NBEA: variants seen among roughly 807,000 people sequenced by gnomAD.
The protein encoded by NBEA is neurobeachin.
NBEA carries 44 observed loss-of-function variants against 343.4 expected under a neutral mutation model. The observed-to-expected ratio is 0.13, with a 90% confidence interval of 0.10 to 0.16. NBEA has a LOEUF of 0.16. NBEA is among the 10% of genes least tolerant of loss of function. The probability of loss-of-function intolerance (pLI) is 1.00; values close to 1 mark genes in which losing one functional copy is unlikely to be tolerated. For synonymous variants in NBEA, 1,175 were observed against 1,238.7 expected (o/e 0.95, Z 1.08); for missense variants, 2,555 against 3,631.3 (o/e 0.70, Z 7.62).
intron 30 of NBEA, among the ~76,000 whole-genome samples, chr13:35,189,269 T>A (rs937332045): frequency 2.6e-5 from 4 of 152,112 alleles, no homozygotes; most frequent in Non-Finnish European, 5.9e-5. Flanking sequence ...TTTGCAGTTT[T>A]AATTTGTATT....
chr13:35,045,071 G>T (rs1382024202), intron 3 of NBEA, 24 bp downstream of exon 3: 1 of 1,567,154 alleles, frequency 6.4e-7, no homozygotes, highest in Non-Finnish European at 8.7e-7. Context: ...GGAGGGAAAG[G>T]TATTCAGTAT....
intron 31 of NBEA, among the ~76,000 whole-genome samples, chr13:35,205,581 T>C (rs1050906270): frequency 1.3e-5 from 2 of 152,144 alleles, no homozygotes; most frequent in African/African-American, 2.4e-5. Flanking sequence ...AGGGACATGA[T>C]TCTGTTTGTC....
chr13:35,401,592 G>A (rs1483312898), intron 38 of NBEA, among the ~76,000 whole-genome samples: 1 of 152,028 alleles, frequency 6.6e-6, no homozygotes, highest in Non-Finnish European at 1.5e-5. Context: ...ACCCTCTGTT[G>A]CTCTATCTTA....
At chr13:35,358,913 A>G (rs900712586) in intron 38 of NBEA, among the ~76,000 whole-genome samples, 28 of 149,764 alleles carry the variant, frequency 1.9e-4, no homozygotes, top group Non-Finnish European at 4.0e-4. Flanking sequence ...TGGTGTGTGA[A>G]TCATTCAGAA....
intron 35 of NBEA, among the ~76,000 whole-genome samples, chr13:35,294,668 T>C (rs1380925753): frequency 2.0e-5 from 3 of 152,138 alleles, no homozygotes; most frequent in Admixed American, 2.0e-4. Context: ...TCTATGAAAC[T>C]TGCCAGTTTT....
At chr13:35,077,383 T>C (rs2064166484) in intron 10 of NBEA, among the ~76,000 whole-genome samples, 1 of 152,126 alleles carries the variant, frequency 6.6e-6, no homozygotes, top group African/African-American at 2.4e-5. Context: ...TTTCTATTGC[T>C]TTTGATTTTC....
chr13:34,996,860 C>T (rs117496694), intron 1 of NBEA, among the ~76,000 whole-genome samples: 6,963 of 151,992 alleles, frequency 0.046, 236 homozygotes, highest in Non-Finnish European at 0.067. Context: ...ATATATGTGA[C>T]GAAGAAATGA....
At chr13:35,272,321 C>G (rs897370569) in intron 34 of NBEA, among the ~76,000 whole-genome samples, 1 of 152,154 alleles carries the variant, frequency 6.6e-6, no homozygotes, top group African/African-American at 2.4e-5. Flanking sequence ...ATTTTGTCAT[C>G]ACCAGGCCCA....
At chr13:35,195,307 G>A (rs1388809066) in intron 30 of NBEA, among the ~76,000 whole-genome samples, 1 of 152,008 alleles carries the variant, frequency 6.6e-6, no homozygotes, top group African/African-American at 2.4e-5. Flanking sequence ...GAAGGCATCA[G>A]TTTTGAAATG....
At chr13:35,347,820 G>A (rs2039972803) in intron 36 of NBEA, among the ~76,000 whole-genome samples, 1 of 151,958 alleles carries the variant, frequency 6.6e-6, no homozygotes, top group African/African-American at 2.4e-5. Context: ...GGAGTTGCCT[G>A]GGTCTGCAGT....
At chr13:35,553,576 A>G (rs1186776586) in intron 43 of NBEA, among the ~76,000 whole-genome samples, 1 of 152,158 alleles carries the variant, frequency 6.6e-6, no homozygotes, top group Non-Finnish European at 1.5e-5. Context: ...AAATATCTTT[A>G]CAAGAGATAT....
chr13:35,174,896 G>A (rs969400981), intron 27 of NBEA, among the ~76,000 whole-genome samples: 5 of 151,642 alleles, frequency 3.3e-5, no homozygotes, highest in South Asian at 2.1e-4. Context: ...GGATTCAAGC[G>A]ATTCTCCTGC....
intron 41 of NBEA, among the ~76,000 whole-genome samples, chr13:35,532,027 G>C (rs944250896): frequency 6.6e-6 from 1 of 152,142 alleles, no homozygotes; most frequent in African/African-American, 2.4e-5. Context: ...GTTGGACTTT[G>C]CTTTGGCGGC....
At chr13:35,096,753 G>A (rs1593331067) in intron 10 of NBEA, among the ~76,000 whole-genome samples, 1 of 151,930 alleles carries the variant, frequency 6.6e-6, no homozygotes, top group South Asian at 2.1e-4. Context: ...AGAAGTGTTA[G>A]GTGTAATATA....
intron 48 of NBEA, among the ~76,000 whole-genome samples, chr13:35,622,020 CAA>C (rs962582982): frequency 2.6e-5 from 4 of 152,022 alleles, no homozygotes; most frequent in Admixed American, 6.6e-5. Context: ...TATTAAGTAA[CAA>C]GAGGATACTG....
chr13:35,205,757 T>C (rs2073350951), intron 31 of NBEA, among the ~76,000 whole-genome samples: 1 of 152,092 alleles, frequency 6.6e-6, no homozygotes, highest in Admixed American at 6.6e-5. Flanking sequence ...CTAAAATGTA[T>C]TGGCTGCTTA....
At chr13:35,485,872 A>C (rs548678183) in intron 41 of NBEA, among the ~76,000 whole-genome samples, 1 of 152,248 alleles carries the variant, frequency 6.6e-6, no homozygotes, top group African/African-American at 2.4e-5. Flanking sequence ...TATTTGTATG[A>C]TTTACAGTGT....
At chr13:35,624,637 A>G (rs2083141019) in intron 48 of NBEA, among the ~76,000 whole-genome samples, 1 of 152,108 alleles carries the variant, frequency 6.6e-6, no homozygotes, top group Non-Finnish European at 1.5e-5. Context: ...ACATATTGAG[A>G]TATGTAAGAA....
chr13:35,261,244 G>A (rs1237478242), intron 34 of NBEA, among the ~76,000 whole-genome samples: 1 of 152,192 alleles, frequency 6.6e-6, no homozygotes, highest in African/African-American at 2.4e-5. Flanking sequence ...CAAGTGCCAT[G>A]GCTCATGCCT....
Sources: gnomAD v4.1 joint callset for allele counts (sites outside exome capture counted in the v4.1 genomes callset) on GRCh38, gnomAD v4.1.1 for gene constraint, MANE v1.5 for transcripts, NCBI Gene and HGNC (gene_info 2026-07-23, HGNC 2026-07-21) for gene names.